The following PROS1 variants were observed in gnomAD, a reference collection of about 807,000 sequenced individuals.
PROS1 encodes protein S.
Under a neutral mutation model 75.9 loss-of-function variants are expected in PROS1, and 29 were observed. The ratio of observed to expected loss-of-function variants is 0.38; its 90% confidence interval spans 0.28 to 0.52. The LOEUF is 0.52. Ranked by LOEUF, PROS1 falls within the 20% of genes least tolerant of loss-of-function variation. The pLI, the probability that PROS1 is intolerant of heterozygous loss-of-function variation, is 0.83. For missense variants in PROS1, 680 were observed against 810.3 expected, an observed-to-expected ratio of 0.84 and a Z score of 1.95; for synonymous variants, 245 against 280.6, an observed-to-expected ratio of 0.87 and a Z score of 1.27.
intron 6 of PROS1, among the ~76,000 whole-genome samples, chr3:93,902,874 T>TG (rs1181002870): frequency 6.6e-6 from 1 of 152,014 alleles, no homozygotes; most frequent in African/African-American, 2.4e-5. Context: ...TGTAATAGTG[T>TG]TTTTTGTGGT....
intron 1 of PROS1, among the ~76,000 whole-genome samples, chr3:93,939,478 T>C (rs1238483559): frequency 6.6e-6 from 1 of 152,092 alleles, no homozygotes; most frequent in Non-Finnish European, 1.5e-5. Context: ...GCTCCAATTC[T>C]TCCTCGGCCT....
At chr3:93,933,924 A>G (rs1304610581) in intron 1 of PROS1, among the ~76,000 whole-genome samples, 1 of 151,218 alleles carries the variant, frequency 6.6e-6, no homozygotes, top group African/African-American at 2.4e-5. Flanking sequence ...CAGAAGAATC[A>G]CTTGAACCCA....
chr3:93,916,774 C>T (rs1254949558), intron 3 of PROS1, among the ~76,000 whole-genome samples: 2 of 152,296 alleles, frequency 1.3e-5, no homozygotes, highest in East Asian at 3.9e-4. Flanking sequence ...GTGGTCAAGG[C>T]ATGACCTCTT....
chr3:93,910,664 G>A lies in PROS1; in HGVS notation c.301C>T (p.Arg101Cys), dbSNP rs778731080. 2.3e-5 allele frequency: 37 copies of A among 1,613,474 alleles called. No individual in the cohort carries two copies. The highest frequency in any genetic ancestry group is 6.7e-5 in the African/African-American group (5 of 74,890). Residue 101 changes from arginine to cysteine, a missense_variant, in exon 4 of 15, where the codon CGT (arginine) becomes TGT (cysteine). Coordinates refer to ENST00000394236, the MANE Select transcript of PROS1 (RefSeq NM_000313.4). The part of the protein sequence containing the change: ...SFQTGLFTAA[R>C]QSTNAYPDLR... ...TCAGGATAAGCATTAGTTGACTGAC[G>A]TGCAGCAGTGAATAACCCAGTTTGA...
At chr3:93,910,523 T>G in intron 4 of PROS1, 96 bp downstream of exon 4, 2 of 988,708 alleles carry the variant, frequency 2.0e-6, no homozygotes, top group Non-Finnish European at 3.2e-6. Flanking sequence ...CAAAGGATCA[T>G]TTCTCAATTT....
intron 1 of PROS1, among the ~76,000 whole-genome samples, chr3:93,959,320 A>G (rs1178674050): frequency 1.3e-5 from 2 of 152,178 alleles, no homozygotes; most frequent in African/African-American, 2.4e-5. Flanking sequence ...TCTCAAAATA[A>G]CAACAACCAA....
chr3:93,920,177 T>C (rs964531934), intron 3 of PROS1, among the ~76,000 whole-genome samples: 4 of 152,046 alleles, frequency 2.6e-5, no homozygotes, highest in African/African-American at 4.8e-5. Flanking sequence ...GCAGGAGGAC[T>C]GCTTGAGCCC....
rs1174852590 is a variant in PROS1 at position 93,921,607 on chromosome 3, C to T, written c.259+2633G>A. Among the ~76,000 whole-genome samples, 6 of 152,252 alleles carry T rather than the reference C, an allele frequency of 3.9e-5. No homozygotes were observed. The East Asian group carries it at 1.2e-3, about 29-fold the overall frequency. ...TTCTCTATTGCTTCCTGTGAAATTA[C>T]AGATATTTTATGTTTTTCTAGGAAC... is the stretch of plus-strand genomic sequence containing the variant. On this transcript the variant is annotated intron_variant, in intron 3 of 14. Coordinates refer to ENST00000394236, the MANE Select transcript of PROS1 (RefSeq NM_000313.4).
intron 9 of PROS1, among the ~76,000 whole-genome samples, chr3:93,893,851 G>T (rs1307501228): frequency 5.9e-5 from 9 of 152,134 alleles, no homozygotes; most frequent in Admixed American, 5.9e-4. Flanking sequence ...GTGTTTGGGG[G>T]GTATCTGAGT....
Position 93,900,795 on chromosome 3 carries a change from T to C in PROS1, c.727+9A>G. On this transcript the variant is annotated intron_variant, in intron 7 of 14. Transcript: ENST00000394236. The stretch of plus-strand genomic sequence containing the variant: ...TCCACCATCAGTAATGATACCACCA[T>C]CATCCTACCTTCACAAGACTTTGAT... The C allele has an allele frequency of 6.2e-7, 1 of 1,612,262 alleles. No homozygotes were observed. Among genetic ancestry groups the C allele is most frequent in the Admixed American group, 1.7e-5 (1 of 60,014 alleles).
Position 93,973,853 on chromosome 3 carries a change from G to C in PROS1, c.-104C>G. ...GAGCCTGTGCGCCTCGGTCTGAGCCGTGCTGCGCGGCGGCGCCAGCGACCC... is the reference window on the plus strand; with the variant it reads ...GAGCCTGTGCGCCTCGGTCTGAGCCCTGCTGCGCGGCGGCGCCAGCGACCC... On this transcript the variant is annotated 5_prime_UTR_variant, in exon 1 of 15. Transcript: ENST00000394236. 1.1e-6 allele frequency: 1 copy of C among 933,994 alleles called. No individual in the cohort carries two copies. The highest frequency in any genetic ancestry group is 1.4e-6 in the Non-Finnish European group (1 of 692,344). 57.9% of individuals were successfully genotyped at this position (933,994 alleles called of 1,614,324 possible).
At chr3:93,907,048 G>A (rs1166660595) in intron 4 of PROS1, among the ~76,000 whole-genome samples, 1 of 152,168 alleles carries the variant, frequency 6.6e-6, no homozygotes, top group African/African-American at 2.4e-5. Context: ...CAGCTTCCTA[G>A]GTGGAAAAGG....
chr3:93,949,151 G>T (rs562385506), intron 1 of PROS1, among the ~76,000 whole-genome samples: 113 of 152,122 alleles, frequency 7.4e-4, no homozygotes, highest in African/African-American at 2.7e-3. Context: ...TCTCAGTAAG[G>T]GCCAGGACCA....
chr3:93,928,038 G>A lies in PROS1; in HGVS notation c.77-631C>T, dbSNP rs1433003786. On this transcript the variant is annotated intron_variant, in intron 1 of 14. Transcript: ENST00000394236. ...TTTTTTTTTTTTTTTTTTTTGAGAC[G>A]GAGTCTCGCTCTGTCGCCCAGGCTG... 1.4e-3 allele frequency among the ~76,000 whole-genome samples: 135 copies of A among 99,330 alleles called. 1 individual carries two copies. The East Asian group carries it at 0.033, about 24-fold the overall frequency. 65.2% of individuals were successfully genotyped at this position (99,330 alleles called of 152,430 possible).
chr3:93,899,759 G>C (rs1319099774), intron 7 of PROS1, among the ~76,000 whole-genome samples: 1 of 152,076 alleles, frequency 6.6e-6, no homozygotes, highest in Non-Finnish European at 1.5e-5. Context: ...AAGATTAGAG[G>C]TTACCGCCAT....
rs1179695954 is a variant in PROS1 at position 93,874,410 on chromosome 3, A to T, written c.1871-5T>A. On this transcript the variant is annotated splice_region_variant and splice_polypyrimidine_tract_variant and intron_variant, in intron 14 of 14. Coordinates refer to ENST00000394236, the MANE Select transcript of PROS1 (RefSeq NM_000313.4). ...GTGTGGCACTGAATGGAACATCTGT[A>T]AAAGGAAAATATTAGAATATTAGTC... The T allele has an allele frequency of 6.2e-7, 1 of 1,613,280 alleles. No homozygotes were observed. Among genetic ancestry groups the T allele is most frequent in the South Asian group, 1.1e-5 (1 of 91,038 alleles).
chr3:93,902,645 C>A (rs1445071709), intron 6 of PROS1, among the ~76,000 whole-genome samples: 1 of 151,230 alleles, frequency 6.6e-6, no homozygotes, highest in Non-Finnish European at 1.5e-5. Context: ...CCCAGCTACT[C>A]GGGAGGCTGA....
At chr3:93,950,532 G>A (rs1322460828) in intron 1 of PROS1, among the ~76,000 whole-genome samples, 2 of 152,188 alleles carry the variant, frequency 1.3e-5, no homozygotes, top group Admixed American at 1.3e-4. Flanking sequence ...TGCAATATTT[G>A]CTGTTCTGCA....
At position 93,973,787 on chromosome 3, in the gene PROS1, C is replaced by T. The variant is rs895672849; in HGVS notation, c.-38G>A. The T allele has an allele frequency of 6.3e-7, 1 of 1,579,354 alleles. No individual in the cohort carries two copies. The highest frequency in any genetic ancestry group is 1.1e-5 in the South Asian group (1 of 88,626). On this transcript the variant is annotated 5_prime_UTR_variant, in exon 1 of 15. Transcript: ENST00000394236. Reference sequence around the variant, plus strand: ...GGAGGCGCCGGCAGGGACGGTGGCGCGTCGCGGCGGGGACCGGAGCGCTAG... The same window carrying T: ...GGAGGCGCCGGCAGGGACGGTGGCGTGTCGCGGCGGGGACCGGAGCGCTAG...
Sources: gnomAD v4.1 joint callset for allele counts (sites outside exome capture counted in the v4.1 genomes callset) on GRCh38, gnomAD v4.1.1 for gene constraint, MANE v1.5 for transcripts, NCBI Gene and HGNC (gene_info 2026-07-23, HGNC 2026-07-21) for gene names.